The following FGL2 variants were observed in gnomAD, a reference collection of about 807,000 sequenced individuals.
FGL2 encodes fibroleukin.
Under a neutral mutation model 36.0 loss-of-function variants are expected in FGL2, and 21 were observed. The ratio of observed to expected loss-of-function variants is 0.58; its 90% CI spans 0.41 to 0.84. FGL2 has a LOEUF of 0.84. Ranked by LOEUF, FGL2 falls within the 40% of genes least tolerant of loss-of-function variation. FGL2 has a pLI of 0.00. For synonymous variants in FGL2, 183 were observed against 190.7 expected, an observed-to-expected ratio of 0.96 and a Z score of 0.33; for missense variants, 444 against 526.3, an observed-to-expected ratio of 0.84 and a Z score of 1.53.
In FGL2 at chr7:77,199,494, C is replaced by T. The variant is rs1791943066; in HGVS notation, c.300G>A (p.Lys100=). 1 of 1,614,092 alleles carries T rather than the reference C, an allele frequency of 6.2e-7. No individual in the cohort carries two copies. Among genetic ancestry groups the T allele is most frequent in the South Asian group, 1.1e-5 (1 of 91,086 alleles). Residue 100 remains lysine, a synonymous_variant, in exon 1 of 2, where the codon AAG becomes AAA. Coordinates refer to ENST00000248598, the MANE Select transcript of FGL2 (RefSeq NM_006682.3). ...NSLKKSCQDC[K]LQADDNGDPG... ...GGTCTCCGTTGTCATCAGCCTGCAG[C>T]TTGCAGTCTTGGCAAGATTTCTTTA...
Position 77,196,142 on chromosome 7 carries a change from GC to G in FGL2, c.*136del. 1 of 636,378 alleles carries G rather than the reference GC, an allele frequency of 1.6e-6. No homozygotes were observed. The highest frequency in any genetic ancestry group is 2.1e-5 in the South Asian group (1 of 46,582). 39.4% of individuals were successfully genotyped at this position (636,378 alleles called of 1,614,324 possible). Reference sequence around the variant, plus strand: ...ATTGTTTTTCAGCTTTATTTCAAATGCTGTGTAGCATAAGAACCTAGCCGTC... The same window carrying G: ...ATTGTTTTTCAGCTTTATTTCAAATGTGTGTAGCATAAGAACCTAGCCGTC... On this transcript the variant is annotated 3_prime_UTR_variant, in exon 2 of 2. Coordinates refer to ENST00000248598, the MANE Select transcript of FGL2 (RefSeq NM_006682.3). This position sits in a 1 kb window ranked among gnomAD's most constrained non-coding sequence, Gnocchi z 4.2.
At chr7:77,198,276 T>C (rs2150433418) in intron 1 of FGL2, 1 of 985,420 alleles carries the variant, frequency 1.0e-6, no homozygotes, top group East Asian at 1.1e-4. Flanking sequence ...TGTCTCTAAA[T>C]GAAAGTGATC....
In FGL2 at chr7:77,196,605, C is replaced by T. The variant is rs751263824; in HGVS notation, c.994G>A (p.Val332Ile). The T allele has an allele frequency of 1.1e-5, 18 of 1,614,098 alleles. No homozygotes were observed. In the East Asian group the frequency reaches 2.9e-4, roughly 26 times the overall value. ...ANEFLKYRLHVGNYNGTAGDA... is the reference protein window; with the variant it reads ...ANEFLKYRLHIGNYNGTAGDA... ...CCAGCTGTGCCATTATAGTTACCAA[C>T]GTGTAAACGATATTTGAGAAACTCA... is the stretch of plus-strand genomic sequence containing the variant. The change falls in exon 2 of 2, where the codon GTT (valine) becomes ATT (isoleucine). Residue 332 changes from valine (V) to isoleucine (I), a missense_variant. Val to Ile is a conservative substitution (Grantham distance 29). Transcript: ENST00000248598. This position sits in a 1 kb window ranked among gnomAD's most constrained non-coding sequence, Gnocchi z 4.2.
chr7:77,199,349 C>T lies in FGL2; in HGVS notation c.445G>A (p.Glu149Lys). 1 of 1,614,080 alleles carries T rather than the reference C, an allele frequency of 6.2e-7. No individual in the cohort carries two copies. Among genetic ancestry groups the T allele is most frequent in the Non-Finnish European group, 8.5e-7 (1 of 1,179,980 alleles). ...CGACCATGAAGTACATTGATCTCCT[C>T]TTTGGCATTCTTTAGCTCAGAGGAC... ...KLSSELKNAK[E>K]EINVLHGRLE... Residue 149 changes from glutamate (E) to lysine (K), a missense_variant, in exon 1 of 2, where the codon GAG becomes AAG. By Grantham distance (56) the Glu-to-Lys change is moderately conservative (BLOSUM62 1). Coordinates refer to ENST00000248598, the MANE Select transcript of FGL2 (RefSeq NM_006682.3).
Position 77,196,606 on chromosome 7 carries a change from G to C in FGL2, c.993C>G (p.His331Gln), listed in dbSNP as rs199775926. ...CAGCTGTGCCATTATAGTTACCAAC[G>C]TGTAAACGATATTTGAGAAACTCAT... ...VANEFLKYRL[H>Q]VGNYNGTAGD... is the part of the protein sequence containing the mutation. Residue 331 changes from histidine (H) to glutamine (Q), a missense_variant, in exon 2 of 2, where the codon CAC becomes CAG. Physicochemically the swap from His to Gln is conservative, Grantham distance 24. Transcript: ENST00000248598. This position sits in a 1 kb window ranked among gnomAD's most constrained non-coding sequence, Gnocchi z 4.2. The C allele has an allele frequency of 1.9e-6, 3 of 1,613,942 alleles. No homozygotes were observed. Among genetic ancestry groups the C allele is most frequent in the African/African-American group, 1.3e-5 (1 of 74,922 alleles).
At chr7:77,198,071 A>AT (rs1236384052) in intron 1 of FGL2, 1 of 929,892 alleles carries the variant, frequency 1.1e-6, no homozygotes, top group East Asian at 1.2e-4. Flanking sequence ...TCTTCATATC[A>AT]TGACAAGTTG....
Position 77,196,954 on chromosome 7 carries a change from G to C in FGL2, c.645C>G (p.Asp215Glu). Residue 215 changes from aspartate (D) to glutamate (E), a missense_variant, in exon 2 of 2, where the codon GAC becomes GAG. Transcript: ENST00000248598. This position sits in a 1 kb window ranked among gnomAD's most constrained non-coding sequence, Gnocchi z 4.2. ...TGCTTCTTTTGCCTATTGCGTAGTA[G>C]TCAGAGCAATCTTTATATATTAGAT... ...VQHLIYKDCS[D>E]YYAIGKRSSE... is the part of the protein sequence containing the mutation. 6.2e-7 allele frequency: 1 copy of C among 1,610,596 alleles called. No homozygotes were observed. The highest frequency in any genetic ancestry group is 8.5e-7 in the Non-Finnish European group (1 of 1,178,264).
At chr7:77,199,039 TTTA>T (rs1791928458) in intron 1 of FGL2, 139 bp downstream of exon 1, 1 of 713,154 alleles carries the variant, frequency 1.4e-6, no homozygotes, top group African/African-American at 1.8e-5. Flanking sequence ...TGAGAAGATA[TTTA>T]TTTTTTCCTG....
Position 77,196,049 on chromosome 7 carries a change from A to G in FGL2, c.*230T>C. The stretch of plus-strand genomic sequence containing the variant: ...ATTGTAAATCTAATGTATAATTCTC[A>G]ATATTGCTAATTGCTTGCAAGTGTT... On this transcript the variant is annotated 3_prime_UTR_variant, in exon 2 of 2. Coordinates refer to ENST00000248598, the MANE Select transcript of FGL2 (RefSeq NM_006682.3). This position sits in a 1 kb window ranked among gnomAD's most constrained non-coding sequence, Gnocchi z 4.2. 2.1e-6 allele frequency: 1 copy of G among 479,310 alleles called. No individual in the cohort carries two copies. The allele number at this position is 479,310 out of a possible 1,614,324, so 29.7% of individuals were successfully genotyped here.
At position 77,199,758 on chromosome 7, in the gene FGL2, A is replaced by G. The variant is rs1172286573; in HGVS notation, c.36T>C (p.Ala12=). 2.5e-6 allele frequency: 4 copies of G among 1,614,162 alleles called. No individual in the cohort carries two copies. In the South Asian group the frequency reaches 3.3e-5, roughly 13 times the overall value. Residue 12 remains alanine (A), a synonymous_variant, in exon 1 of 2, where the codon GCT becomes GCC. Transcript: ENST00000248598. ...CCAAAAAACCGTAAGTGGCAAGAAC[A>G]GCTGAGCTCAGCCAGTACCAGTTAG... ...KLANWYWLSS[A]VLATYGFLVV...
chr7:77,196,216 A>C lies in FGL2; in HGVS notation c.*63T>G. The C allele has an allele frequency of 8.3e-7, 1 of 1,211,606 alleles. No individual in the cohort carries two copies. Among genetic ancestry groups the C allele is most frequent in the Non-Finnish European group, 1.2e-6 (1 of 859,074 alleles). The allele number at this position is 1,211,606 out of a possible 1,614,324, so 75.1% of individuals were successfully genotyped here. On this transcript the variant is annotated 3_prime_UTR_variant, in exon 2 of 2. Transcript: ENST00000248598. The surrounding 1 kb of genome is among the most constrained non-coding windows in gnomAD (Gnocchi z 4.2). ...AAAATATGAAACAAGGCATATTCTA[A>C]AGTGCTGAAGGAATTAATTGCCCTA...
chr7:77,196,669 G>C lies in FGL2; in HGVS notation c.930C>G (p.Val310=). Residue 310 remains valine (V), a synonymous_variant, in exon 2 of 2, where the codon GTC becomes GTG. Transcript: ENST00000248598. The surrounding 1 kb of genome is among the most constrained non-coding windows in gnomAD (Gnocchi z 4.2). ...LRIDLEDFNG[V]ELYALYDQFY... ...ACTGATCATACAAGGCATATAGTTC[G>C]ACACCATTAAAGTCTTCAAGATCTA... 6.2e-7 allele frequency: 1 copy of C among 1,614,004 alleles called. No individual in the cohort carries two copies. Among genetic ancestry groups the C allele is most frequent in the Non-Finnish European group, 8.5e-7 (1 of 1,179,948 alleles).
In FGL2 at chr7:77,193,402, CA is replaced by C. The variant is rs1348931672; in HGVS notation, c.*2876del. 7.9e-5 allele frequency: 12 copies of C among 152,072 alleles called. No homozygotes were observed. The highest frequency in any genetic ancestry group is 2.9e-4 in the African/African-American group (12 of 41,406). The allele number at this position is 152,072 out of a possible 1,614,324, so 9.4% of individuals were successfully genotyped here. On this transcript the variant is annotated 3_prime_UTR_variant, in exon 2 of 2. Coordinates refer to ENST00000248598, the MANE Select transcript of FGL2 (RefSeq NM_006682.3). ...TACAACCAACAATATTTAATATTTC[CA>C]CATTGAAGAATAGATGTGATAATTA...
At position 77,196,876 on chromosome 7, in the gene FGL2, G is replaced by A; in HGVS notation, c.723C>T (p.Tyr241=). 6.2e-7 allele frequency: 1 copy of A among 1,613,902 alleles called. No individual in the cohort carries two copies. The highest frequency in any genetic ancestry group is 8.5e-7 in the Non-Finnish European group (1 of 1,179,958). The change falls in exon 2 of 2, where the codon TAC becomes TAT. Residue 241 remains tyrosine, a synonymous_variant. Coordinates refer to ENST00000248598, the MANE Select transcript of FGL2 (RefSeq NM_006682.3). This position sits in a 1 kb window ranked among gnomAD's most constrained non-coding sequence, Gnocchi z 4.2. ...CTCCCCCCATGGTCTCCATGTCACA[G>A]TAAACTTCAAAGCTACTATTTTTGG... ...PDPKNSSFEV[Y]CDMETMGGGW... is the part of the protein sequence containing the mutation.
intron 1 of FGL2, chr7:77,198,807 A>G (rs1326142520): frequency 4.0e-6 from 1 of 248,110 alleles, no homozygotes; most frequent in African/African-American, 2.2e-5. Flanking sequence ...CTGATTTCCA[A>G]CAAACAAGGC....
chr7:77,199,390 C>A lies in FGL2; in HGVS notation c.404G>T (p.Ser135Ile). ...VGDNRVRELE[S>I]EVNKLSSELK... ...CTCAGAGGACAGCTTGTTAACCTCA[C>A]TCTCTAATTCTCTAACTCTGTTATC... The change falls in exon 1 of 2, where the codon AGT becomes ATT. Residue 135 changes from serine to isoleucine, a missense_variant. By Grantham distance (142) the Ser-to-Ile change is moderately radical (BLOSUM62 -2). Transcript: ENST00000248598. 1 of 1,614,162 alleles carries A rather than the reference C, an allele frequency of 6.2e-7. No homozygotes were observed. Among genetic ancestry groups the A allele is most frequent in the Admixed American group, 1.7e-5 (1 of 60,008 alleles).
Position 77,196,686 on chromosome 7 carries a change from C to G in FGL2, c.913G>C (p.Glu305Gln). 6.2e-7 allele frequency: 1 copy of G among 1,614,204 alleles called. No homozygotes were observed. The highest frequency in any genetic ancestry group is 8.5e-7 in the Non-Finnish European group (1 of 1,180,010). Reference protein sequence around the residue: ...SKEMILRIDLEDFNGVELYAL... With the variant: ...SKEMILRIDLQDFNGVELYAL... Reference sequence around the variant, plus strand: ...TATAGTTCGACACCATTAAAGTCTTCAAGATCTATTCTCAGAATCATTTCC... The same window carrying G: ...TATAGTTCGACACCATTAAAGTCTTGAAGATCTATTCTCAGAATCATTTCC... Residue 305 changes from glutamate (E) to glutamine (Q), a missense_variant, in exon 2 of 2, where the codon GAA (glutamate) becomes CAA (glutamine). Transcript: ENST00000248598. The surrounding 1 kb of genome is among the most constrained non-coding windows in gnomAD (Gnocchi z 4.2).
In FGL2 at chr7:77,196,549, GT is replaced by G; in HGVS notation, c.1049del (p.Asn350ThrfsTer4). 1 of 1,614,138 alleles carries G rather than the reference GT, an allele frequency of 6.2e-7. No individual in the cohort carries two copies. The highest frequency in any genetic ancestry group is 1.1e-5 in the South Asian group (1 of 91,082). On this transcript the variant is annotated frameshift_variant, in exon 2 of 2. Transcript: ENST00000248598. LOFTEE classifies it high-confidence loss of function. The surrounding 1 kb of genome is among the most constrained non-coding windows in gnomAD (Gnocchi z 4.2). ...GAGTGGTGAAAAACTTCAGATCGTGGTTGTAATGTTTGTTGAAACGTAATGC... is the reference window on the plus strand; with the variant it reads ...GAGTGGTGAAAAACTTCAGATCGTGGTGTAATGTTTGTTGAAACGTAATGC... ...GDALRFNKHY[N>X]HDLKFFTTPD...
Position 77,199,747 on chromosome 7 carries a change from G to A in FGL2, c.47C>T (p.Thr16Ile). The A allele has an allele frequency of 6.2e-7, 1 of 1,614,098 alleles. No individual in the cohort carries two copies. The highest frequency in any genetic ancestry group is 8.5e-7 in the Non-Finnish European group (1 of 1,180,002). The change falls in exon 1 of 2, where the codon ACT becomes ATT. Residue 16 changes from threonine to isoleucine, a missense_variant. By Grantham distance (89) the Thr-to-Ile change is moderately conservative. Coordinates refer to ENST00000248598, the MANE Select transcript of FGL2 (RefSeq NM_006682.3). Reference sequence around the variant, plus strand: ...GTTTGCCACAACCAAAAAACCGTAAGTGGCAAGAACAGCTGAGCTCAGCCA... The same window carrying A: ...GTTTGCCACAACCAAAAAACCGTAAATGGCAAGAACAGCTGAGCTCAGCCA... The part of the protein sequence containing the change: ...WYWLSSAVLA[T>I]YGFLVVANNE...
Sources: allele counts gnomAD v4.1 joint callset, GRCh38; gene constraint gnomAD v4.1.1; non-coding constraint Gnocchi (gnomAD v3.1); transcripts MANE v1.5; gene names NCBI Gene and HGNC (gene_info 2026-07-23, HGNC 2026-07-21).